Variants in PTH2R observed in about 807,000 individuals in gnomAD.
PTH2R encodes the protein PTH2 receptor.
PTH2R carries 59 observed loss-of-function variants against 60.3 expected under a neutral mutation model. The observed-to-expected ratio is 0.98, with a 90% CI of 0.79 to 1.22. The LOEUF (loss-of-function observed/expected upper bound fraction) is 1.22. Among genes scored for constraint, PTH2R ranks in the 50% most tolerant of loss-of-function variants. The pLI is 0.00. For synonymous variants in PTH2R, 256 were observed against 243.8 expected, an observed-to-expected ratio of 1.05 and a Z score of -0.47; for missense variants, 749 against 682.6, an observed-to-expected ratio of 1.10 and a Z score of -1.08.
chr2:208,384,376 G>A (rs563537968), intron 1 of PTH2R, among the ~76,000 whole-genome samples: 6 of 152,274 alleles, frequency 3.9e-5, no homozygotes, highest in Admixed American at 6.5e-5. Flanking sequence ...ATGAAGGATC[G>A]TGATATCCAG....
At chr2:208,452,157 G>C (rs1490052853) in intron 8 of PTH2R, among the ~76,000 whole-genome samples, 1 of 152,138 alleles carries the variant, frequency 6.6e-6, no homozygotes, top group Non-Finnish European at 1.5e-5. Flanking sequence ...TGTCTTATAG[G>C]CTTGTTCTGC....
intron 9 of PTH2R, among the ~76,000 whole-genome samples, chr2:208,468,393 T>C (rs192875976): frequency 6.6e-6 from 1 of 152,336 alleles, no homozygotes; most frequent in East Asian, 1.9e-4. Context: ...GAATACCCAA[T>C]ATTAAGTGAT....
In PTH2R at chr2:208,481,079, A is replaced by T; in HGVS notation, c.991A>T (p.Ile331Phe). 6.2e-7 allele frequency: 1 copy of T among 1,600,066 alleles called. No homozygotes were observed. The highest frequency in any genetic ancestry group is 8.5e-7 in the Non-Finnish European group (1 of 1,169,710). ...TTACCTTCTTTTTCAGCTGAATTTT[A>T]TTCTGTTTCTGAATACGGTTAGAGT... ...PILAAIGLNF[I>F]LFLNTVRVLA... is the part of the protein sequence containing the mutation. Residue 331 changes from isoleucine to phenylalanine, a missense_variant, in exon 10 of 13, where the codon ATT (isoleucine) becomes TTT (phenylalanine). Physicochemically the swap from Ile to Phe is conservative, Grantham distance 21 (BLOSUM62 0). Coordinates refer to ENST00000272847, the MANE Select transcript of PTH2R (RefSeq NM_005048.4).
chr2:208,406,367 A>G (rs1701405789), upstream of PTH2R, among the ~76,000 whole-genome samples: 1 of 152,208 alleles, frequency 6.6e-6, no homozygotes, highest in Non-Finnish European at 1.5e-5. Flanking sequence ...ACCGAGTATT[A>G]TTATAATGGT....
At chr2:208,459,024 C>T (rs961625719) in intron 8 of PTH2R, among the ~76,000 whole-genome samples, 4 of 152,042 alleles carry the variant, frequency 2.6e-5, no homozygotes, top group East Asian at 1.9e-4. Flanking sequence ...TTTGAGGAAT[C>T]GCCATACTGC....
chr2:208,462,997 G>C (rs77758423), intron 9 of PTH2R, among the ~76,000 whole-genome samples: 1 of 152,200 alleles, frequency 6.6e-6, no homozygotes, highest in African/African-American at 2.4e-5. Flanking sequence ...TCAGGGCTTC[G>C]TTGAAGCTGG....
intron 7 of PTH2R, among the ~76,000 whole-genome samples, chr2:208,448,796 A>T (rs1702342018): frequency 6.6e-6 from 1 of 151,762 alleles, no homozygotes; most frequent in Non-Finnish European, 1.5e-5. Flanking sequence ...AACAATTCAT[A>T]TTAAGACTCG....
At chr2:208,427,235 A>G (rs1007805359) in intron 1 of PTH2R, among the ~76,000 whole-genome samples, 25 of 152,346 alleles carry the variant, frequency 1.6e-4, no homozygotes, top group African/African-American at 5.5e-4. Context: ...GAAAAAACCA[A>G]AACAAAACAA....
chr2:208,406,364 A>T (rs1456688535), upstream of PTH2R, among the ~76,000 whole-genome samples: 1 of 152,200 alleles, frequency 6.6e-6, no homozygotes, highest in Non-Finnish European at 1.5e-5. Flanking sequence ...CACACCGAGT[A>T]TTATTATAAT....
At chr2:208,449,983 A>G (rs183496019) in intron 7 of PTH2R, among the ~76,000 whole-genome samples, 4 of 152,226 alleles carry the variant, frequency 2.6e-5, no homozygotes, top group African/African-American at 9.6e-5. Context: ...TCAGTCCCCT[A>G]CTGCAGTATT....
chr2:208,404,941 G>A (rs962656519), upstream of PTH2R, among the ~76,000 whole-genome samples: 1 of 152,210 alleles, frequency 6.6e-6, no homozygotes, highest in African/African-American at 2.4e-5. Context: ...TGAGTTTGAT[G>A]AATGGTATTC....
chr2:208,449,838 T>C (rs1444216669), intron 7 of PTH2R, among the ~76,000 whole-genome samples: 1 of 152,204 alleles, frequency 6.6e-6, no homozygotes, highest in Non-Finnish European at 1.5e-5. Context: ...TGTTCTTGGC[T>C]AGACCAAAAT....
intron 10 of PTH2R, among the ~76,000 whole-genome samples, chr2:208,487,513 C>T (rs1248385530): frequency 6.6e-6 from 1 of 152,214 alleles, no homozygotes; most frequent in African/African-American, 2.4e-5. Context: ...AGTATAACCT[C>T]ACCCACTCCA....
upstream of PTH2R, among the ~76,000 whole-genome samples, chr2:208,405,797 C>A (rs1266865896): frequency 6.6e-6 from 1 of 152,106 alleles, no homozygotes; most frequent in Non-Finnish European, 1.5e-5. Context: ...GTCATGAGGG[C>A]TCTGAGATCA....
chr2:208,443,198 A>G, intron 5 of PTH2R, 150 bp from the exon 6 acceptor site: 1 of 575,602 alleles, frequency 1.7e-6, no homozygotes, highest in Non-Finnish European at 3.0e-6. Flanking sequence ...AAAGGACTTG[A>G]GTATCTGCAG....
chr2:208,407,486 T>C (rs1357009257), intron 1 of PTH2R, among the ~76,000 whole-genome samples: 4 of 152,242 alleles, frequency 2.6e-5, no homozygotes, highest in African/African-American at 9.6e-5. Flanking sequence ...AAATGACTTT[T>C]GTCTGCTGGT....
intron 8 of PTH2R, 75 bp from the exon 9 acceptor site, chr2:208,459,820 A>C: frequency 7.8e-7 from 1 of 1,287,992 alleles, no homozygotes; most frequent in South Asian, 1.3e-5. Context: ...GTTTTTGGTA[A>C]AACTTAAAAT....
At chr2:208,381,244 A>G (rs1030517242) in intron 1 of PTH2R, among the ~76,000 whole-genome samples, 12 of 151,906 alleles carry the variant, frequency 7.9e-5, no homozygotes, top group African/African-American at 2.9e-4. Flanking sequence ...TTTCCTCTAG[A>G]TGTATCATAT....
At chr2:208,451,012 C>A (rs945976471) in intron 8 of PTH2R, among the ~76,000 whole-genome samples, 1 of 152,076 alleles carries the variant, frequency 6.6e-6, no homozygotes, top group Non-Finnish European at 1.5e-5. Flanking sequence ...GAAACACTCG[C>A]AGACTAGATG....
Sources: gnomAD v4.1 joint callset for allele counts (sites outside exome capture counted in the v4.1 genomes callset) on GRCh38, gnomAD v4.1.1 for gene constraint, MANE v1.5 for transcripts, NCBI Gene and HGNC (gene_info 2026-07-23, HGNC 2026-07-21) for gene names.